RIPOR3: variants seen among roughly 807,000 people sequenced by gnomAD.
The protein encoded by RIPOR3 is RIPOR family member 3, also known as family with sequence similarity 65 member C.
RIPOR3 carries 95 observed loss-of-function variants against 114.3 expected under a neutral mutation model. The observed-to-expected ratio is 0.83, with a 90% confidence interval of 0.70 to 0.99. The LOEUF is 0.99. Ranked by LOEUF, RIPOR3 falls within the 50% of genes least tolerant of loss-of-function variation. The pLI, the probability that RIPOR3 is intolerant of heterozygous loss-of-function variation, is 0.00. For synonymous variants in RIPOR3, 575 were observed against 543.8 expected (o/e 1.06, Z -0.80); for missense variants, 1,252 against 1,266.9 (o/e 0.99, Z 0.18).
intron 13 of RIPOR3, among the ~76,000 whole-genome samples, chr20:50,599,418 T>C (rs2083420980): frequency 6.6e-6 from 1 of 151,942 alleles, no homozygotes; most frequent in Admixed American, 6.6e-5. Flanking sequence ...AAAAAAGCTA[T>C]TTTTGATTCA....
chr20:50,637,631 T>G (rs1213408281), intron 1 of RIPOR3, among the ~76,000 whole-genome samples: 6 of 152,142 alleles, frequency 3.9e-5, no homozygotes, highest in Admixed American at 2.6e-4. Context: ...TCCCAGCACT[T>G]TGGGAGGCTG....
intron 20 of RIPOR3, 45 bp downstream of exon 20, chr20:50,589,641 A>T (rs1270616961): frequency 6.3e-7 from 1 of 1,593,134 alleles, no homozygotes; most frequent in South Asian, 1.1e-5. Flanking sequence ...CCTAACCACA[A>T]GCAGGCTTTT....
intron 1 of RIPOR3, among the ~76,000 whole-genome samples, chr20:50,690,529 C>T (rs1265057431): frequency 6.6e-6 from 1 of 152,190 alleles, no homozygotes; most frequent in Non-Finnish European, 1.5e-5. Context: ...GCAGGTAATG[C>T]TCCATCCATA....
intron 1 of RIPOR3, chr20:50,660,244 A>G (rs113528262): frequency 4.6e-5 from 7 of 152,176 alleles, no homozygotes; most frequent in African/African-American, 1.4e-4. Flanking sequence ...GTTGCTATAA[A>G]AGAATACCTG....
chr20:50,681,384 G>A (rs540761077), intron 1 of RIPOR3, among the ~76,000 whole-genome samples: 1 of 152,186 alleles, frequency 6.6e-6, no homozygotes, highest in South Asian at 2.1e-4. Context: ...CAGTGAGGTG[G>A]TAGGGGATCC....
At chr20:50,589,505 A>AG (rs2083042638) in intron 20 of RIPOR3, among the ~76,000 whole-genome samples, 181 bp downstream of exon 20, 1 of 152,178 alleles carries the variant, frequency 6.6e-6, no homozygotes, top group African/African-American at 2.4e-5. Flanking sequence ...CATGTTGGCC[A>AG]GGCTGGTTTC....
At chr20:50,643,765 G>A (rs2085291122) in intron 1 of RIPOR3, among the ~76,000 whole-genome samples, 2 of 149,672 alleles carry the variant, frequency 1.3e-5, no homozygotes, top group South Asian at 4.3e-4. Context: ...GAGTGCAGTG[G>A]TGCAATCTCG....
At chr20:50,612,022 A>T (rs1318544645) in intron 4 of RIPOR3, among the ~76,000 whole-genome samples, 2 of 151,398 alleles carry the variant, frequency 1.3e-5, no homozygotes, top group African/African-American at 4.9e-5. Context: ...TACTTGCCAG[A>T]CTTGAGGCAG....
rs746052863 is a variant in RIPOR3, at chr20:50,592,351, C to T, written c.2570G>A (p.Arg857Gln). 8.9e-6 allele frequency: 14 copies of T among 1,570,768 alleles called. No individual in the cohort carries two copies. Among genetic ancestry groups the T allele is most frequent in the Admixed American group, 5.3e-5 (3 of 56,366 alleles). ...LAGAVRNRSF[R>Q]EKALLFYTNA... ...CTGCCCTGGACAACGTACCTTTTCC[C>T]GGAAGCTTCTGTTCCTGACTGCACC... The change falls in exon 19 of 22, where the codon CGG becomes CAG. Residue 857 changes from arginine (R) to glutamine (Q), a missense_variant. Arg to Gln is a conservative substitution (Grantham distance 43, BLOSUM62 1). Transcript: ENST00000327979.
intron 2 of RIPOR3, among the ~76,000 whole-genome samples, chr20:50,628,753 C>G (rs779512413): frequency 6.6e-6 from 1 of 152,220 alleles, no homozygotes; most frequent in Non-Finnish European, 1.5e-5. Flanking sequence ...AGAGTAGGTG[C>G]TCCGTGAATA....
chr20:50,611,260 A>T, intron 4 of RIPOR3, 56 bp from the exon 5 acceptor site: 1 of 1,611,892 alleles, frequency 6.2e-7, no homozygotes, highest in Non-Finnish European at 8.5e-7. Context: ...ATGTTCCTCC[A>T]AGGCCTATGA....
chr20:50,610,614 A>G (rs1308892247), intron 6 of RIPOR3, among the ~76,000 whole-genome samples: 1 of 152,182 alleles, frequency 6.6e-6, no homozygotes, highest in Non-Finnish European at 1.5e-5. Context: ...GAGCCCACAC[A>G]GTCCTCAGGG....
chr20:50,665,307 C>T (rs905848925), intron 1 of RIPOR3, among the ~76,000 whole-genome samples: 8 of 147,740 alleles, frequency 5.4e-5, no homozygotes, highest in Non-Finnish European at 9.0e-5. Context: ...AAATGCTGGA[C>T]GTGGTGATGT....
intron 1 of RIPOR3, among the ~76,000 whole-genome samples, chr20:50,637,500 CAGTT>C (rs1233057463): frequency 3.9e-5 from 6 of 152,244 alleles, no homozygotes; most frequent in Non-Finnish European, 7.4e-5. Context: ...TCTTATTCAT[CAGTT>C]AATCAAGTAT....
intron 1 of RIPOR3, among the ~76,000 whole-genome samples, chr20:50,649,257 C>T (rs921306593): frequency 5.9e-5 from 9 of 152,120 alleles, no homozygotes; most frequent in Non-Finnish European, 1.2e-4. Context: ...CCAGCCTGGC[C>T]AACATGGCGA....
At chr20:50,621,134 A>G in intron 2 of RIPOR3, 1 of 362,934 alleles carries the variant, frequency 2.8e-6, no homozygotes, top group South Asian at 2.3e-5. Context: ...AAAAAAAAAA[A>G]GAACAGTAAT....
At chr20:50,671,746 G>A (rs1568954235) in intron 1 of RIPOR3, among the ~76,000 whole-genome samples, 2 of 151,684 alleles carry the variant, frequency 1.3e-5, no homozygotes, top group Middle Eastern at 3.2e-3. Context: ...ATGGATGGAA[G>A]GATGGTTGGG....
At chr20:50,621,810 C>T (rs186395601) in intron 2 of RIPOR3, among the ~76,000 whole-genome samples, 1 of 152,292 alleles carries the variant, frequency 6.6e-6, no homozygotes, top group East Asian at 1.9e-4. Flanking sequence ...TCTTTTTTAG[C>T]TTAAGCCAGC....
chr20:50,586,824 C>T lies in RIPOR3; in HGVS notation c.*408G>A, dbSNP rs567262497. ...CCAGTGCCTCTTGACGCAGAAGTGC[C>T]GAGCAGCTGACCGGCAGCGAGGCCT... On this transcript the variant is annotated 3_prime_UTR_variant, in exon 22 of 22. Transcript: ENST00000327979. The T allele has an allele frequency of 5.8e-6, 1 of 172,296 alleles. No individual in the cohort carries two copies. The highest frequency in any genetic ancestry group is 1.3e-5 in the Non-Finnish European group (1 of 79,248). The allele number at this position is 172,296 out of a possible 1,614,324, so 10.7% of individuals were successfully genotyped here. A position where few individuals can be genotyped will look rare whatever the true frequency, so the allele number is the denominator to read the frequency against.
Sources: gnomAD v4.1 joint callset for allele counts (sites outside exome capture counted in the v4.1 genomes callset) on GRCh38, gnomAD v4.1.1 for gene constraint, MANE v1.5 for transcripts, NCBI Gene and HGNC (gene_info 2026-07-23, HGNC 2026-07-21) for gene names.